Variants in SGIP1 observed in about 807,000 individuals in gnomAD.
SGIP1 encodes SH3-containing GRB2-like protein 3-interacting protein 1.
Under a neutral mutation model 107.5 loss-of-function variants are expected in SGIP1, and 38 were observed. The observed-to-expected ratio is 0.35, with a 90% CI of 0.27 to 0.46. The LOEUF is 0.46. Ranked by LOEUF, SGIP1 falls within the 20% of genes least tolerant of loss-of-function variation. The pLI is 1.00. For missense variants in SGIP1, 929 were observed against 1,019.5 expected (o/e 0.91, Z 1.21); for synonymous variants, 365 against 366.1 (o/e 1.00, Z 0.03).
intron 1 of SGIP1, among the ~76,000 whole-genome samples, chr1:66,583,048 T>A (rs769907140): frequency 8.6e-5 from 13 of 151,952 alleles, no homozygotes; most frequent in Admixed American, 8.5e-4. Context: ...CTCTGATGTG[T>A]TTGACATCAA....
chr1:66,707,646 T>G (rs1185025839), intron 18 of SGIP1, among the ~76,000 whole-genome samples: 1 of 152,172 alleles, frequency 6.6e-6, no homozygotes, highest in African/African-American at 2.4e-5. Flanking sequence ...ATTCTGTATC[T>G]TAGATTCCAA....
chr1:66,689,919 G>C (rs758012400), intron 16 of SGIP1, among the ~76,000 whole-genome samples: 5 of 152,234 alleles, frequency 3.3e-5, no homozygotes, highest in African/African-American at 1.2e-4. Flanking sequence ...GTCCCTGAGG[G>C]CATGTGAGTT....
At chr1:66,585,971 C>A (rs1335069657) in intron 1 of SGIP1, among the ~76,000 whole-genome samples, 2 of 152,174 alleles carry the variant, frequency 1.3e-5, no homozygotes, top group Non-Finnish European at 2.9e-5. Flanking sequence ...TCTCCAACTA[C>A]AATTGTGGAT....
At chr1:66,670,178 T>C (rs2083450193) in intron 9 of SGIP1, among the ~76,000 whole-genome samples, 1 of 152,224 alleles carries the variant, frequency 6.6e-6, no homozygotes, top group Admixed American at 6.5e-5. Flanking sequence ...GGTCTAGTTT[T>C]CTGGTGGCAT....
intron 9 of SGIP1, 102 bp downstream of exon 9, chr1:66,667,643 G>A (rs2082863746): frequency 1.2e-5 from 12 of 990,940 alleles, no homozygotes; most frequent in Non-Finnish European, 1.6e-5. Flanking sequence ...ATAACCCAGT[G>A]TGAATGAGGC....
chr1:66,684,955 G>A (rs958600653), intron 15 of SGIP1, among the ~76,000 whole-genome samples: 4 of 152,182 alleles, frequency 2.6e-5, no homozygotes, highest in African/African-American at 9.6e-5. Context: ...GTAGAAAATT[G>A]AACTGGGCCA....
At chr1:66,590,969 GC>G (rs996006128) in intron 1 of SGIP1, among the ~76,000 whole-genome samples, 1 of 152,118 alleles carries the variant, frequency 6.6e-6, no homozygotes, top group African/African-American at 2.4e-5. Flanking sequence ...TTTTCAAACT[GC>G]CCCAACAAAA....
intron 1 of SGIP1, among the ~76,000 whole-genome samples, chr1:66,586,159 CT>C (rs1035275922): frequency 6.9e-4 from 105 of 152,102 alleles, no homozygotes; most frequent in African/African-American, 2.3e-3. Flanking sequence ...TAAGTTAGTC[CT>C]TTTTTCCCAT....
intron 21 of SGIP1, among the ~76,000 whole-genome samples, chr1:66,738,875 CA>C (rs1439080022): frequency 6.6e-6 from 1 of 151,976 alleles, no homozygotes; most frequent in Non-Finnish European, 1.5e-5. Flanking sequence ...GAGTGTTTCA[CA>C]AAAAAACACC....
At chr1:66,708,800 G>T (rs908430182) in intron 18 of SGIP1, among the ~76,000 whole-genome samples, 1 of 152,060 alleles carries the variant, frequency 6.6e-6, no homozygotes, top group Non-Finnish European at 1.5e-5. Context: ...ATATGCACAT[G>T]ACATACATAT....
At chr1:66,626,463 G>A (rs895331626) in intron 2 of SGIP1, among the ~76,000 whole-genome samples, 1 of 152,128 alleles carries the variant, frequency 6.6e-6, no homozygotes, top group Non-Finnish European at 1.5e-5. Flanking sequence ...AACAACTGTG[G>A]GGATGCTTTT....
intron 18 of SGIP1, among the ~76,000 whole-genome samples, chr1:66,707,600 C>T (rs2092613103): frequency 6.6e-6 from 1 of 152,110 alleles, no homozygotes; most frequent in African/African-American, 2.4e-5. Context: ...CTTTAGGATG[C>T]ATGTCAGTCA....
chr1:66,682,345 G>A lies in SGIP1; in HGVS notation c.1291G>A (p.Gly431Ser), dbSNP rs765868119. The A allele has an allele frequency of 1.9e-6, 3 of 1,612,894 alleles. No individual in the cohort carries two copies. Among genetic ancestry groups the A allele is most frequent in the Non-Finnish European group, 2.5e-6 (3 of 1,179,742 alleles). ...TVVSSPGPGSGPGPGTTSGAS... is the reference protein window; with the variant it reads ...TVVSSPGPGSSPGPGTTSGAS... ...GGTTTCGTCCCCCGGACCTGGCTCGGGCCCTGGTCCGGGGACCACCAGTGG... is the reference window on the plus strand; with the variant it reads ...GGTTTCGTCCCCCGGACCTGGCTCGAGCCCTGGTCCGGGGACCACCAGTGG... The change falls in exon 15 of 25, where the codon GGC becomes AGC. Residue 431 changes from glycine to serine, a missense_variant. By Grantham distance (56) the Gly-to-Ser change is moderately conservative. Around this residue, in one of 2 missense-constraint regions of SGIP1, gnomAD observed 588 missense variants for 588.6 expected, o/e 1.00. Transcript: ENST00000371037.
chr1:66,699,472 T>C (rs2150202753), intron 18 of SGIP1, among the ~76,000 whole-genome samples: 1 of 152,254 alleles, frequency 6.6e-6, no homozygotes, highest in African/African-American at 2.4e-5. Context: ...GTGACCTGTC[T>C]CACATGCTGG....
intron 5 of SGIP1, among the ~76,000 whole-genome samples, chr1:66,642,249 A>C (rs1317737312): frequency 2.6e-5 from 4 of 151,710 alleles, no homozygotes; most frequent in African/African-American, 9.7e-5. Context: ...CTGTTTCCCC[A>C]TCTGAGTCAC....
intron 8 of SGIP1, among the ~76,000 whole-genome samples, chr1:66,661,577 T>C (rs966644660): frequency 1.3e-5 from 2 of 152,222 alleles, no homozygotes; most frequent in Admixed American, 6.5e-5. Context: ...CAATTACGAT[T>C]ATTACTAAGC....
chr1:66,600,891 T>C (rs1216635657), intron 1 of SGIP1, among the ~76,000 whole-genome samples: 1 of 152,158 alleles, frequency 6.6e-6, no homozygotes, highest in Non-Finnish European at 1.5e-5. Flanking sequence ...AGGAAGGATC[T>C]CTTGGGATGG....
At chr1:66,614,421 T>C (rs2068716195) in intron 1 of SGIP1, among the ~76,000 whole-genome samples, 1 of 152,192 alleles carries the variant, frequency 6.6e-6, no homozygotes, top group South Asian at 2.1e-4. Flanking sequence ...TGAATAAATA[T>C]ATTGATGGTC....
chr1:66,696,168 G>A (rs1020769750), intron 18 of SGIP1, among the ~76,000 whole-genome samples: 1 of 152,096 alleles, frequency 6.6e-6, no homozygotes, highest in African/African-American at 2.4e-5. Flanking sequence ...TTGATCATTT[G>A]TTATATTCTG....
Sources: gnomAD v4.1 joint callset for allele counts (sites outside exome capture counted in the v4.1 genomes callset) on GRCh38, gnomAD v4.1.1 for gene constraint, gnomAD v4.1.1 regional missense constraint, MANE v1.5 for transcripts, NCBI Gene and HGNC (gene_info 2026-07-23, HGNC 2026-07-21) for gene names.